Variants in ARHGAP24 observed in about 807,000 individuals in gnomAD.
ARHGAP24 encodes rho GTPase-activating protein 24.
A neutral mutation model predicts 76.4 loss-of-function variants in ARHGAP24; 50 were observed. The ratio of observed to expected loss-of-function variants is 0.65; its 90% CI spans 0.52 to 0.83. The LOEUF (loss-of-function observed/expected upper bound fraction) is 0.83, where lower values mean the gene tolerates loss of function less well. ARHGAP24 is among the 40% of genes least tolerant of loss of function. The pLI is 0.00. For missense variants in ARHGAP24, 930 were observed against 914.2 expected, an observed-to-expected ratio of 1.02 and a Z score of -0.22; for synonymous variants, 345 against 323.3, an observed-to-expected ratio of 1.07 and a Z score of -0.72.
At chr4:85,738,830 G>C (rs1245419832) in intron 3 of ARHGAP24, among the ~76,000 whole-genome samples, 2 of 152,166 alleles carry the variant, frequency 1.3e-5, no homozygotes, top group East Asian at 3.9e-4. Context: ...TCATTGGATT[G>C]TCTTGGTATC....
rs1578187650 is a variant in ARHGAP24, at chr4:85,740,486, G to A, written c.268+18514G>A. ...CATCTGCCTGCCTCGGCCTTATATA[G>A]GGGTGAGTCACCCCACCCAGCCGAT... On this transcript the variant is annotated intron_variant, in intron 3 of 9. Coordinates refer to ENST00000395184, the MANE Select transcript of ARHGAP24 (RefSeq NM_001025616.3). Among the ~76,000 whole-genome samples the A allele has an allele frequency of 2.0e-5, 3 of 152,082 alleles. No individual in the cohort carries two copies. In the East Asian group the frequency reaches 5.8e-4, roughly 29 times the overall value.
At chr4:85,692,048 G>A (rs79384378) in intron 2 of ARHGAP24, among the ~76,000 whole-genome samples, 1,737 of 152,256 alleles carry the variant, frequency 0.011, 36 homozygotes, top group African/African-American at 0.038. Context: ...CTCAGGATTT[G>A]CTTGTCTAAA....
At chr4:85,571,712 A>G (rs1350347278) in intron 2 of ARHGAP24, among the ~76,000 whole-genome samples, 1 of 151,810 alleles carries the variant, frequency 6.6e-6, no homozygotes, top group African/African-American at 2.4e-5. Flanking sequence ...TTTTTTTTTG[A>G]AATTGCTACT....
At chr4:85,953,958 G>A (rs1321536147) in intron 5 of ARHGAP24, among the ~76,000 whole-genome samples, 1 of 152,052 alleles carries the variant, frequency 6.6e-6, no homozygotes, top group African/African-American at 2.4e-5. Context: ...CTGACTGAGA[G>A]TTGGTTACAG....
intron 3 of ARHGAP24, among the ~76,000 whole-genome samples, chr4:85,734,817 C>T (rs1725545782): frequency 6.6e-6 from 1 of 151,876 alleles, no homozygotes; most frequent in Admixed American, 6.6e-5. Context: ...GATTGAAAGA[C>T]AAGTAACTCA....
intron 3 of ARHGAP24, among the ~76,000 whole-genome samples, chr4:85,833,658 G>A (rs1233102154): frequency 6.6e-6 from 1 of 152,166 alleles, no homozygotes; most frequent in Non-Finnish European, 1.5e-5. Context: ...TGGAATTTCT[G>A]CCTTTTGGAT....
At chr4:85,680,973 C>A (rs1372587444) in intron 2 of ARHGAP24, among the ~76,000 whole-genome samples, 1 of 151,804 alleles carries the variant, frequency 6.6e-6, no homozygotes, top group Non-Finnish European at 1.5e-5. Flanking sequence ...AGAGAGAATT[C>A]TTAGAGCACA....
At chr4:85,767,005 C>T (rs879405456) in intron 3 of ARHGAP24, among the ~76,000 whole-genome samples, 1 of 152,144 alleles carries the variant, frequency 6.6e-6, no homozygotes, top group Non-Finnish European at 1.5e-5. Flanking sequence ...CATTGTGTTA[C>T]AACTGCCTAC....
chr4:85,967,635 T>TG (rs1393722392), intron 5 of ARHGAP24, among the ~76,000 whole-genome samples: 2 of 152,162 alleles, frequency 1.3e-5, no homozygotes, highest in Non-Finnish European at 2.9e-5. Flanking sequence ...CTCAGATCTT[T>TG]GGGCCTATCT....
intron 3 of ARHGAP24, among the ~76,000 whole-genome samples, chr4:85,906,071 G>A (rs918223683): frequency 1.3e-5 from 2 of 152,118 alleles, no homozygotes; most frequent in African/African-American, 4.8e-5. Context: ...AAATGCAGAA[G>A]CCTTATAATA....
At chr4:85,863,187 G>T in intron 3 of ARHGAP24, among the ~76,000 whole-genome samples, 1 of 151,822 alleles carries the variant, frequency 6.6e-6, no homozygotes, top group Non-Finnish European at 1.5e-5. Context: ...TTTTAACTTA[G>T]GCACCTTCAC....
At chr4:85,798,750 A>G (rs1256780054) in intron 3 of ARHGAP24, among the ~76,000 whole-genome samples, 2 of 152,232 alleles carry the variant, frequency 1.3e-5, no homozygotes, top group African/African-American at 4.8e-5. Flanking sequence ...GTTGGCAAAA[A>G]TGATAGTTAA....
chr4:85,884,941 A>G (rs908691702), intron 3 of ARHGAP24, among the ~76,000 whole-genome samples: 3 of 152,176 alleles, frequency 2.0e-5, no homozygotes, highest in Admixed American at 2.0e-4. Context: ...ACACAGTTAT[A>G]TATGGTAAAA....
At chr4:85,671,339 A>G (rs1193397590) in intron 2 of ARHGAP24, among the ~76,000 whole-genome samples, 2 of 152,096 alleles carry the variant, frequency 1.3e-5, no homozygotes, top group East Asian at 1.9e-4. Context: ...TGTTTCCTCT[A>G]TATTTTAACC....
intron 3 of ARHGAP24, among the ~76,000 whole-genome samples, chr4:85,746,202 C>T (rs980464898): frequency 7.9e-5 from 12 of 152,182 alleles, no homozygotes; most frequent in Non-Finnish European, 7.3e-5. Context: ...TAAATTCCTC[C>T]TTAGCGATAT....
intron 1 of ARHGAP24, among the ~76,000 whole-genome samples, chr4:85,488,873 T>C (rs1723253018): frequency 6.6e-6 from 1 of 152,190 alleles, no homozygotes; most frequent in Admixed American, 6.5e-5. Context: ...GAATGTGTAA[T>C]TAACATCTTT....
chr4:85,717,985 T>G (rs775071843), intron 2 of ARHGAP24, among the ~76,000 whole-genome samples: 2 of 152,162 alleles, frequency 1.3e-5, no homozygotes, highest in Non-Finnish European at 2.9e-5. Flanking sequence ...ACTTATTTAT[T>G]AGTTCGTTGC....
intron 2 of ARHGAP24, among the ~76,000 whole-genome samples, chr4:85,686,914 T>C (rs2110014612): frequency 6.6e-6 from 1 of 152,226 alleles, no homozygotes; most frequent in South Asian, 2.1e-4. Context: ...AAGGCTTTCA[T>C]TAGAAACTGA....
intron 2 of ARHGAP24, among the ~76,000 whole-genome samples, chr4:85,582,307 C>CTTATCTATGTCATTTATCTAAATGACT (rs1727646863): frequency 6.6e-6 from 1 of 152,010 alleles, no homozygotes; most frequent in Non-Finnish European, 1.5e-5. Context: ...AATAATGACA[C>CTTATCTATGTCATTTATCTAAATGACT]TATGGCTTAT....
Sources: allele counts gnomAD v4.1 joint callset (sites outside exome capture counted in the v4.1 genomes callset), GRCh38; gene constraint gnomAD v4.1.1; transcripts MANE v1.5; gene names NCBI Gene and HGNC (gene_info 2026-07-23, HGNC 2026-07-21).